ZNF430: variants seen among roughly 807,000 people sequenced by gnomAD.
ZNF430 encodes zinc finger protein 430.
A neutral mutation model predicts 56.7 loss-of-function variants in ZNF430; 35 were observed. That is an observed-to-expected ratio of 0.62 (90% CI 0.47 to 0.82). The LOEUF (loss-of-function observed/expected upper bound fraction) is 0.82. Ranked by LOEUF, ZNF430 falls within the 40% of genes least tolerant of loss-of-function variation. ZNF430 has a pLI of 0.00. For missense variants in ZNF430, 574 were observed against 661.0 expected (o/e 0.87, Z 1.44); for synonymous variants, 212 against 224.3 (o/e 0.94, Z 0.49).
intron 2 of ZNF430, among the ~76,000 whole-genome samples, chr19:21,029,823 G>C (rs1967868483): frequency 6.6e-6 from 1 of 152,214 alleles, no homozygotes; most frequent in Admixed American, 6.5e-5. Flanking sequence ...AAATTAGCCG[G>C]GCGTGGTGGC....
chr19:21,041,275 G>A (rs912580071), intron 4 of ZNF430, among the ~76,000 whole-genome samples: 8 of 151,964 alleles, frequency 5.3e-5, no homozygotes, highest in African/African-American at 9.7e-5. Context: ...AATGTGTGTC[G>A]TCACGCCCAG....
chr19:21,035,065 G>A (rs937631793), intron 4 of ZNF430: 19 of 151,948 alleles, frequency 1.3e-4, no homozygotes, highest in African/African-American at 4.3e-4. Flanking sequence ...GTTGTTTCTT[G>A]TAAATTTTAG....
intron 2 of ZNF430, among the ~76,000 whole-genome samples, chr19:21,027,130 T>A (rs1599489919): frequency 6.6e-6 from 1 of 152,030 alleles, no homozygotes; most frequent in Non-Finnish European, 1.5e-5. Flanking sequence ...GCCCGGCAGA[T>A]GCCTTTTATT....
At chr19:21,034,713 A>G (rs1431314995) in intron 4 of ZNF430, 1 of 152,020 alleles carries the variant, frequency 6.6e-6, no homozygotes, top group Non-Finnish European at 1.5e-5. Flanking sequence ...AATTTTTTGT[A>G]TTTTTAGTAG....
intron 4 of ZNF430, among the ~76,000 whole-genome samples, chr19:21,041,997 C>T (rs779651012): frequency 1.3e-4 from 20 of 152,258 alleles, no homozygotes; most frequent in Non-Finnish European, 2.1e-4. Flanking sequence ...CAGGCATGAG[C>T]CACCGTGCCC....
Position 21,049,832 on chromosome 19 carries a change from T to G in ZNF430, c.323-6799T>G, listed in dbSNP as rs143345544. Among the ~76,000 whole-genome samples the G allele has an allele frequency of 6.2e-3, 950 of 152,282 alleles. 16 individuals are homozygous for G. Among genetic ancestry groups the G allele is most frequent in the African/African-American group, 0.022 (923 of 41,564 alleles). On this transcript the variant is annotated intron_variant, in intron 4 of 4. Transcript: ENST00000261560. ...TAAAATAACTTTGAATTAAATATTATTGGTTAGAATTTTTTATTACATCAA... is the reference window on the plus strand; with the variant it reads ...TAAAATAACTTTGAATTAAATATTAGTGGTTAGAATTTTTTATTACATCAA...
At chr19:21,053,454 C>T (rs1358282000) in intron 4 of ZNF430, 1 of 152,138 alleles carries the variant, frequency 6.6e-6, no homozygotes, top group African/African-American at 2.4e-5. Context: ...AGTGCAATGG[C>T]ATGATCTTGG....
At chr19:21,043,874 T>C (rs1335755764) in intron 4 of ZNF430, among the ~76,000 whole-genome samples, 4 of 151,932 alleles carry the variant, frequency 2.6e-5, no homozygotes, top group Non-Finnish European at 5.9e-5. Context: ...GGAGGTTCGT[T>C]CATGATATGG....
chr19:21,029,793 C>T (rs1362864411), intron 2 of ZNF430, among the ~76,000 whole-genome samples: 2 of 152,062 alleles, frequency 1.3e-5, no homozygotes, highest in Admixed American at 6.6e-5. Flanking sequence ...GGTGAAACCC[C>T]GTCTCTACTA....
intron 1 of ZNF430, 38 bp from the exon 2 acceptor site, chr19:21,022,751 C>G (rs1599486783): frequency 1.5e-6 from 2 of 1,342,014 alleles, no homozygotes; most frequent in East Asian, 4.6e-5. Context: ...GTTAGAGTGT[C>G]TAGTGGATAT....
At chr19:21,025,703 C>T (rs1967779878) in intron 2 of ZNF430, among the ~76,000 whole-genome samples, 1 of 152,034 alleles carries the variant, frequency 6.6e-6, no homozygotes, top group East Asian at 1.9e-4. Context: ...TCTCCTGCCT[C>T]AGCCTCCCCA....
intron 1 of ZNF430, 100 bp downstream of exon 1, chr19:21,020,903 C>A (rs1974285611): frequency 6.6e-7 from 1 of 1,525,696 alleles, no homozygotes; most frequent in Non-Finnish European, 9.1e-7. Flanking sequence ...CAGTCAGCTG[C>A]ACAATCTGCG....
At chr19:21,033,172 T>G (rs78348106) in intron 2 of ZNF430, among the ~76,000 whole-genome samples, 9,010 of 152,066 alleles carry the variant, frequency 0.059, 662 homozygotes, top group African/African-American at 0.18. Context: ...CTGACCAACA[T>G]GGAGAAACCC....
chr19:21,045,618 A>G (rs531239594), intron 4 of ZNF430, among the ~76,000 whole-genome samples: 2 of 152,298 alleles, frequency 1.3e-5, no homozygotes, highest in African/African-American at 4.8e-5. Flanking sequence ...AGTCCTGAAT[A>G]TCTTTGTTAC....
chr19:21,020,685 C>T lies in ZNF430; in HGVS notation c.-116C>T, dbSNP rs2358791. The T allele has an allele frequency of 6.4e-3, 9,464 of 1,474,510 alleles. 417 individuals are homozygous for T. The African/African-American group carries it at 0.11, about 17-fold the overall frequency. The allele number at this position is 1,474,510 out of a possible 1,614,324, so 91.3% of individuals were successfully genotyped here. A position where few individuals can be genotyped will look rare whatever the true frequency, so the allele number is the denominator to read the frequency against. ...CCTCGCTGTGGCCTGAGCTCCAGGTCTCGTCTTCAGCGCTCTGTGTCCTCT... is the reference window on the plus strand; with the variant it reads ...CCTCGCTGTGGCCTGAGCTCCAGGTTTCGTCTTCAGCGCTCTGTGTCCTCT... On this transcript the variant is annotated 5_prime_UTR_variant, in exon 1 of 5. Coordinates refer to ENST00000261560, the MANE Select transcript of ZNF430 (RefSeq NM_025189.4).
At chr19:21,042,043 G>T (rs371234817) in intron 4 of ZNF430, among the ~76,000 whole-genome samples, 9 of 152,154 alleles carry the variant, frequency 5.9e-5, no homozygotes, top group African/African-American at 2.2e-4. Context: ...TCTCACTTAC[G>T]AGTGAGAACA....
At chr19:21,026,777 A>G (rs1599489514) in intron 2 of ZNF430, among the ~76,000 whole-genome samples, 1 of 145,142 alleles carries the variant, frequency 6.9e-6, no homozygotes. Flanking sequence ...GCACACAGGG[A>G]TAGTTAGACT....
rs772239213 is a variant in ZNF430, at chr19:21,058,019, T to C, written c.1711T>C (p.Ter571ArgextTer7). ...NSYWRETLQM[*>R] ...ATACTGGAGAGAAACCCTACAAATG[T>C]GAAGATTGTGGCAAAGCCTCTAACC... The change falls in exon 5 of 5, where the codon TGA (stop) becomes CGA (arginine). Residue 571 changes from the stop codon to arginine (R), a stop_lost. Transcript: ENST00000261560. 13 of 1,610,114 alleles carry C rather than the reference T, an allele frequency of 8.1e-6. No individual in the cohort carries two copies. In the East Asian group the frequency reaches 2.7e-4, roughly 33 times the overall value.
Position 21,026,827 on chromosome 19 carries a change from CTTTTTTTTTTTTTTT to C in ZNF430, c.96+3955_96+3969del, listed in dbSNP as rs747809260. ...TTGGATGCCTTTTTTCTTTTCTTTT[CTTTTTTTTTTTTTTT>C]TTTTTTTTGAGACAGAGTCTTGCTC... On this transcript the variant is annotated intron_variant, in intron 2 of 4. Coordinates refer to ENST00000261560, the MANE Select transcript of ZNF430 (RefSeq NM_025189.4). 3.5e-4 allele frequency among the ~76,000 whole-genome samples: 24 copies of C among 68,718 alleles called. 2 individuals carry two copies. The highest frequency in any genetic ancestry group is 2.5e-5 in the Non-Finnish European group (1 of 39,474). 45.1% of individuals were successfully genotyped at this position (68,718 alleles called of 152,430 possible). A position where few individuals can be genotyped will look rare whatever the true frequency, so the allele number is the denominator to read the frequency against.
Sources: gnomAD v4.1 joint callset for allele counts (sites outside exome capture counted in the v4.1 genomes callset) on GRCh38, gnomAD v4.1.1 for gene constraint, MANE v1.5 for transcripts, NCBI Gene and HGNC (gene_info 2026-07-23, HGNC 2026-07-21) for gene names.